POLR3H: variants seen among roughly 807,000 people sequenced by gnomAD.
The protein encoded by POLR3H is RNA polymerase III subunit H.
POLR3H carries 17 observed loss-of-function variants against 25.5 expected under a neutral mutation model. The ratio of observed to expected loss-of-function variants is 0.67; its 90% confidence interval spans 0.46 to 1.00. POLR3H has a LOEUF of 1.00. POLR3H is among the 50% of genes least tolerant of loss of function. The probability of loss-of-function intolerance (pLI) is 0.00; values close to 1 mark genes in which losing one functional copy is unlikely to be tolerated. For missense variants in POLR3H, 274 were observed against 265.0 expected (o/e 1.03, Z -0.24); for synonymous variants, 129 against 103.0 (o/e 1.25, Z -1.53).
In POLR3H at chr22:41,544,350, C is replaced by CCGCCA. The variant is rs1191533893; in HGVS notation, c.-254_-250dup. 5.7e-3 allele frequency: 2,164 copies of CCGCCA among 379,328 alleles called. 41 individuals carry two copies. The highest frequency in any genetic ancestry group is 0.038 in the African/African-American group (1,748 of 46,224). The allele number at this position is 379,328 out of a possible 1,614,324, so 23.5% of individuals were successfully genotyped here. On this transcript the variant is annotated 5_prime_UTR_variant, in exon 1 of 6. Coordinates refer to ENST00000355209, the MANE Select transcript of POLR3H (RefSeq NM_001018050.4). Reference sequence around the variant, plus strand: ...GGGTGCGCGCCCGCGCCGCGAGACCCCGCCACGCCACGCCACTCCACGCCA... The same window carrying CCGCCA: ...GGGTGCGCGCCCGCGCCGCGAGACCCCGCCACGCCACGCCACGCCACTCCACGCCA...
At chr22:41,535,137 A>G (rs2066820481) in intron 2 of POLR3H, among the ~76,000 whole-genome samples, 1 of 152,210 alleles carries the variant, frequency 6.6e-6, no homozygotes, top group Non-Finnish European at 1.5e-5. Flanking sequence ...GAACTGCCTC[A>G]TAATCGGTGT....
At chr22:41,544,493 C>G (rs1368798199), upstream of POLR3H, 1 of 159,208 alleles carries the variant, frequency 6.3e-6, no homozygotes, top group Non-Finnish European at 1.4e-5. Context: ...CCGAATCCAT[C>G]GCTTCCGGAA....
At chr22:41,532,265 GGC>G in intron 3 of POLR3H, 108 bp from the exon 4 acceptor site, 1 of 1,102,104 alleles carries the variant, frequency 9.1e-7, no homozygotes, top group Non-Finnish European at 1.4e-6. Context: ...CTGCCCACGA[GGC>G]GGATGTCGCT....
intron 2 of POLR3H, among the ~76,000 whole-genome samples, chr22:41,538,122 C>T (rs2066877579): frequency 1.3e-5 from 2 of 151,280 alleles, no homozygotes; most frequent in African/African-American, 4.9e-5. Flanking sequence ...TGTGCCACCA[C>T]ACCCAAATAA....
Position 41,527,955 on chromosome 22 carries a change from A to C in POLR3H, c.*1328T>G. 8 of 1,614,190 alleles carry C rather than the reference A, an allele frequency of 5.0e-6. No homozygotes were observed. Among genetic ancestry groups the C allele is most frequent in the South Asian group, 1.1e-5 (1 of 91,084 alleles). On this transcript the variant is annotated 3_prime_UTR_variant, in exon 6 of 6. Coordinates refer to ENST00000355209, the MANE Select transcript of POLR3H (RefSeq NM_001018050.4). The stretch of plus-strand genomic sequence containing the variant: ...CCTCTGACCTTCGCTGACCCGGCTG[A>C]CTACAACAAGATTCACCCTGTGGAC...
In POLR3H at chr22:41,526,746, G is replaced by A; in HGVS notation, c.*2537C>T. Reference sequence around the variant, plus strand: ...AAGGGGGCCGACTCAGGAAGTCAGAGGCCAAAAGCTCAGAGAGGGGGCTAC... The same window carrying A: ...AAGGGGGCCGACTCAGGAAGTCAGAAGCCAAAAGCTCAGAGAGGGGGCTAC... On this transcript the variant is annotated 3_prime_UTR_variant, in exon 6 of 6. Transcript: ENST00000355209. 1 of 383,222 alleles carries A rather than the reference G, an allele frequency of 2.6e-6. No individual in the cohort carries two copies. Among genetic ancestry groups the A allele is most frequent in the South Asian group, 4.8e-5 (1 of 21,052 alleles). 23.7% of individuals were successfully genotyped at this position (383,222 alleles called of 1,614,324 possible). A position where few individuals can be genotyped will look rare whatever the true frequency, so the allele number is the denominator to read the frequency against.
chr22:41,530,401 C>A (rs531051913), intron 5 of POLR3H, among the ~76,000 whole-genome samples: 1 of 152,360 alleles, frequency 6.6e-6, no homozygotes, highest in Non-Finnish European at 1.5e-5. Flanking sequence ...AGCCACTGCA[C>A]TTGGCCTCAA....
At chr22:41,543,894 C>T in intron 1 of POLR3H, 97 bp downstream of exon 1, 1 of 832,206 alleles carries the variant, frequency 1.2e-6, no homozygotes, top group Non-Finnish European at 2.1e-6. Flanking sequence ...TGCTTGCCCA[C>T]GGCCAGGGCT....
intron 2 of POLR3H, among the ~76,000 whole-genome samples, chr22:41,536,177 G>C (rs1017038576): frequency 6.6e-6 from 1 of 151,536 alleles, no homozygotes; most frequent in East Asian, 2.0e-4. Flanking sequence ...CGGATCACGA[G>C]GTCAGGAGAT....
rs766365230 is a variant in POLR3H, at chr22:41,540,753, T to G, written c.154A>C (p.Thr52Pro). Residue 52 changes from threonine (T) to proline (P), a missense_variant, in exon 2 of 6, where the codon ACC becomes CCC. Thr to Pro is a conservative substitution (Grantham distance 38, BLOSUM62 -1). Transcript: ENST00000355209. ...VGLCICLFDI[T>P]KLEDAYVFPG... ...AATACATAGGCATCCTCCAGTTTGG[T>G]GATATCAAACAGACAAATGCAGAGT... 1 of 1,614,128 alleles carries G rather than the reference T, an allele frequency of 6.2e-7. No individual in the cohort carries two copies. Among genetic ancestry groups the G allele is most frequent in the Non-Finnish European group, 8.5e-7 (1 of 1,180,020 alleles).
Position 41,527,777 on chromosome 22 carries a change from A to G in POLR3H, c.*1506T>C. On this transcript the variant is annotated 3_prime_UTR_variant, in exon 6 of 6. Transcript: ENST00000355209. ...GGGAGCAGACCAGGGCCCCATAGTCACTGCCCGGGCATTGTCCCAGGCAGC... is the reference window on the plus strand; with the variant it reads ...GGGAGCAGACCAGGGCCCCATAGTCGCTGCCCGGGCATTGTCCCAGGCAGC... 6.7e-7 allele frequency: 1 copy of G among 1,501,888 alleles called. No individual in the cohort carries two copies. Among genetic ancestry groups the G allele is most frequent in the Non-Finnish European group, 9.0e-7 (1 of 1,110,416 alleles). 93.0% of individuals were successfully genotyped at this position (1,501,888 alleles called of 1,614,324 possible).
At chr22:41,542,161 G>A (rs2145575013) in intron 1 of POLR3H, among the ~76,000 whole-genome samples, 1 of 152,110 alleles carries the variant, frequency 6.6e-6, no homozygotes, top group African/African-American at 2.4e-5. Context: ...TCAGCTCACT[G>A]CAACCTCTGC....
In POLR3H at chr22:41,526,984, G is replaced by A. The variant is rs113668024; in HGVS notation, c.*2299C>T. The stretch of plus-strand genomic sequence containing the variant: ...GCATCTTGTGTGGGGCCCGGAGGCC[G>A]TCCCTGTCTCACCCAACCTCCCTCC... On this transcript the variant is annotated 3_prime_UTR_variant, in exon 6 of 6. Transcript: ENST00000355209. 8.4e-5 allele frequency: 40 copies of A among 478,416 alleles called. 3 individuals carry two copies. Among genetic ancestry groups the A allele is most frequent in the African/African-American group, 3.0e-4 (15 of 50,560 alleles). 29.6% of individuals were successfully genotyped at this position (478,416 alleles called of 1,614,324 possible). A position where few individuals can be genotyped will look rare whatever the true frequency, so the allele number is the denominator to read the frequency against.
rs61736478 is a variant in POLR3H, at chr22:41,527,927, C to T, written c.*1356G>A. The T allele has an allele frequency of 6.3e-5, 101 of 1,614,084 alleles. No individual in the cohort carries two copies. In the Admixed American group the frequency reaches 1.6e-3, roughly 26 times the overall value. ...GACCAACCTGAAGAAACAGGGCCTGCTGCCTCTGACCTTCGCTGACCCGGC... is the reference window on the plus strand; with the variant it reads ...GACCAACCTGAAGAAACAGGGCCTGTTGCCTCTGACCTTCGCTGACCCGGC... On this transcript the variant is annotated 3_prime_UTR_variant, in exon 6 of 6. Coordinates refer to ENST00000355209, the MANE Select transcript of POLR3H (RefSeq NM_001018050.4).
At position 41,528,319 on chromosome 22, in the gene POLR3H, C is replaced by T; in HGVS notation, c.*964G>A. The T allele has an allele frequency of 9.1e-7, 1 of 1,093,406 alleles. No individual in the cohort carries two copies. The highest frequency in any genetic ancestry group is 1.3e-6 in the Non-Finnish European group (1 of 782,630). The allele number at this position is 1,093,406 out of a possible 1,614,324, so 67.7% of individuals were successfully genotyped here. A position where few individuals can be genotyped will look rare whatever the true frequency, so the allele number is the denominator to read the frequency against. ...CCCAGGAATCCCCTGTAGGTGCCAC[C>T]TGGGTCTGACCTGGGCCATCAGGCA... On this transcript the variant is annotated 3_prime_UTR_variant, in exon 6 of 6. Transcript: ENST00000355209.
intron 2 of POLR3H, among the ~76,000 whole-genome samples, chr22:41,535,131 T>C (rs2066820421): frequency 6.6e-6 from 1 of 152,186 alleles, no homozygotes; most frequent in Non-Finnish European, 1.5e-5. Context: ...GCAACAGAAC[T>C]GCCTCATAAT....
At position 41,544,044 on chromosome 22, in the gene POLR3H, T is replaced by C; in HGVS notation, c.58A>G (p.Arg20Gly). The change falls in exon 1 of 6, where the codon AGG (arginine) becomes GGG (glycine). Residue 20 changes from arginine to glycine, a missense_variant. By Grantham distance (125) the Arg-to-Gly change is moderately radical. Transcript: ENST00000355209. ...TVRIPPWQFE[R>G]KLNDSIAEEL... Reference sequence around the variant, plus strand: ...TCGGCAATGGAGTCGTTGAGCTTCCTCTCAAACTGCCAAGGGGGGATCCGG... The same window carrying C: ...TCGGCAATGGAGTCGTTGAGCTTCCCCTCAAACTGCCAAGGGGGGATCCGG... The C allele has an allele frequency of 6.2e-7, 1 of 1,609,974 alleles. No homozygotes were observed. The highest frequency in any genetic ancestry group is 1.1e-5 in the South Asian group (1 of 91,014).
chr22:41,544,191 T>C lies in POLR3H; in HGVS notation c.-90A>G. The C allele has an allele frequency of 1.3e-6, 1 of 772,876 alleles. No homozygotes were observed. The highest frequency in any genetic ancestry group is 2.7e-5 in the Admixed American group (1 of 37,062). The allele number at this position is 772,876 out of a possible 1,614,324, so 47.9% of individuals were successfully genotyped here. A position where few individuals can be genotyped will look rare whatever the true frequency, so the allele number is the denominator to read the frequency against. On this transcript the variant is annotated 5_prime_UTR_variant, in exon 1 of 6. Coordinates refer to ENST00000355209, the MANE Select transcript of POLR3H (RefSeq NM_001018050.4). ...AGAATCCCCGAGCCCCTTGGTCCCG[T>C]CCCAGTCGCTGAGGCCCCCAGGCTG...
At position 41,529,067 on chromosome 22, in the gene POLR3H, A is replaced by AACAGCC. The variant is rs201286067; in HGVS notation, c.*210_*215dup. 1 of 579,462 alleles carries AACAGCC rather than the reference A, an allele frequency of 1.7e-6. No homozygotes were observed. Among genetic ancestry groups the AACAGCC allele is most frequent in the Non-Finnish European group, 3.1e-6 (1 of 326,742 alleles). 35.9% of individuals were successfully genotyped at this position (579,462 alleles called of 1,614,324 possible). A position where few individuals can be genotyped will look rare whatever the true frequency, so the allele number is the denominator to read the frequency against. On this transcript the variant is annotated 3_prime_UTR_variant, in exon 6 of 6. Transcript: ENST00000355209. ...TTTCAGTCAAGGTCAGTGGAGGCCC[A>AACAGCC]ACAGCCACAGCCACAGATGGATCCA...
Sources: allele counts gnomAD v4.1 joint callset (sites outside exome capture counted in the v4.1 genomes callset), GRCh38; gene constraint gnomAD v4.1.1; transcripts MANE v1.5; gene names NCBI Gene and HGNC (gene_info 2026-07-23, HGNC 2026-07-21).